UBAP2: variants seen among roughly 807,000 people sequenced by gnomAD.
UBAP2 encodes the protein ubiquitin-associated protein 2.
UBAP2 carries 75 observed loss-of-function variants against 139.6 expected under a neutral mutation model. The observed-to-expected ratio is 0.54, with a 90% CI of 0.45 to 0.65. The LOEUF (loss-of-function observed/expected upper bound fraction) is 0.65. Ranked by LOEUF, UBAP2 falls within the 30% of genes least tolerant of loss-of-function variation. The pLI, the probability that UBAP2 is intolerant of heterozygous loss-of-function variation, is 0.00. For missense variants in UBAP2, 1,368 were observed against 1,369.6 expected, an observed-to-expected ratio of 1.00 and a Z score of 0.02; for synonymous variants, 526 against 526.2, an observed-to-expected ratio of 1.00 and a Z score of 0.01.
chr9:33,989,091 A>G lies in UBAP2; in HGVS notation c.324T>C (p.Asn108=), dbSNP rs1313571019. 1 of 1,613,482 alleles carries G rather than the reference A, an allele frequency of 6.2e-7. No homozygotes were observed. Among genetic ancestry groups the G allele is most frequent in the Admixed American group, 1.7e-5 (1 of 59,904 alleles). ...TGTTTTCTGAATTTTCTTTTGCAAA[A>G]TTCTTTTTCTTACACCCTACAGTCT... ...SWETVGCKKK[N]FAKENSENKE... is the part of the protein sequence containing the mutation. Residue 108 remains asparagine, a synonymous_variant, in exon 5 of 29, where the codon AAT becomes AAC. Coordinates refer to ENST00000379238, the MANE Select transcript of UBAP2 (RefSeq NM_001370062.2).
chr9:34,022,358 G>C (rs1418008325), intron 1 of UBAP2, among the ~76,000 whole-genome samples: 1 of 151,082 alleles, frequency 6.6e-6, no homozygotes, highest in Non-Finnish European at 1.5e-5. Context: ...GTAAGTCCCA[G>C]CTATTCAGGA....
intron 2 of UBAP2, among the ~76,000 whole-genome samples, chr9:34,016,222 G>T (rs1459029197): frequency 8.7e-6 from 1 of 114,716 alleles, no homozygotes; most frequent in African/African-American, 3.0e-5. Context: ...GGAGGAAGAG[G>T]AGGAGGAAGA....
intron 1 of UBAP2, among the ~76,000 whole-genome samples, chr9:34,037,279 C>T (rs1176583430): frequency 1.3e-5 from 2 of 152,110 alleles, no homozygotes; most frequent in Admixed American, 6.5e-5. Context: ...TGAGCCACCG[C>T]GCCCAGCCCA....
intron 2 of UBAP2, among the ~76,000 whole-genome samples, chr9:34,016,235 AAGG>A (rs1449742201): frequency 4.7e-5 from 3 of 64,462 alleles, no homozygotes; most frequent in Non-Finnish European, 8.0e-5. Flanking sequence ...GAGGAAGAGG[AAGG>A]GGAGGAAGAG....
chr9:34,014,981 C>A (rs1824122935), intron 2 of UBAP2, among the ~76,000 whole-genome samples: 1 of 152,168 alleles, frequency 6.6e-6, no homozygotes, highest in African/African-American at 2.4e-5. Flanking sequence ...GAATACTACA[C>A]TAACTTTATA....
intron 1 of UBAP2, among the ~76,000 whole-genome samples, chr9:34,035,427 G>A (rs752624640): frequency 1.6e-4 from 23 of 147,950 alleles, no homozygotes; most frequent in Non-Finnish European, 2.8e-4. Context: ...GCTTGAACCT[G>A]GGAGGTGGAG....
At chr9:34,012,331 GA>G (rs1823823404) in intron 2 of UBAP2, among the ~76,000 whole-genome samples, 1 of 152,140 alleles carries the variant, frequency 6.6e-6, no homozygotes, top group Non-Finnish European at 1.5e-5. Flanking sequence ...AGGAGTTCGA[GA>G]GCAGCCTGGC....
rs111384372 is a variant in UBAP2 at position 34,048,727 on chromosome 9, G to A, written c.-42+98C>T. 922 of 152,482 alleles carry A rather than the reference G, an allele frequency of 6.0e-3. 11 individuals carry two copies. Among genetic ancestry groups the A allele is most frequent in the African/African-American group, 0.021 (873 of 41,568 alleles). The allele number at this position is 152,482 out of a possible 1,614,324, so 9.4% of individuals were successfully genotyped here. A position where few individuals can be genotyped will look rare whatever the true frequency, so the allele number is the denominator to read the frequency against. ...GTGGGCGCCGGGGCAGTCTGCAGGCGGTGGGGTTTCAGACGAGCTGAACCC... is the reference window on the plus strand; with the variant it reads ...GTGGGCGCCGGGGCAGTCTGCAGGCAGTGGGGTTTCAGACGAGCTGAACCC... On this transcript the variant is annotated intron_variant, in intron 1 of 28. Coordinates refer to ENST00000379238, the MANE Select transcript of UBAP2 (RefSeq NM_001370062.2).
At chr9:34,024,180 T>C (rs533277606) in intron 1 of UBAP2, among the ~76,000 whole-genome samples, 3 of 150,432 alleles carry the variant, frequency 2.0e-5, no homozygotes, top group South Asian at 4.2e-4. Context: ...CCATCTCTAC[T>C]AAAAATACAA....
intron 1 of UBAP2, among the ~76,000 whole-genome samples, chr9:34,018,269 C>A (rs1824571340): frequency 6.7e-6 from 1 of 149,576 alleles, no homozygotes. Context: ...CGGGAATTTT[C>A]CGATAAAGAC....
At chr9:33,963,987 C>T (rs200473620) in intron 8 of UBAP2, among the ~76,000 whole-genome samples, 196 bp from the exon 9 acceptor site, 1 of 152,148 alleles carries the variant, frequency 6.6e-6, no homozygotes, top group Non-Finnish European at 1.5e-5. Flanking sequence ...CTCTTGGACA[C>T]TCAAATCACT....
intron 1 of UBAP2, among the ~76,000 whole-genome samples, chr9:34,046,677 G>C (rs1827628657): frequency 1.4e-5 from 2 of 146,270 alleles, no homozygotes; most frequent in Admixed American, 6.8e-5. Context: ...AAAAAAGAAG[G>C]CTTCACTTCA....
At chr9:33,986,252 T>C (rs927072424) in intron 6 of UBAP2, among the ~76,000 whole-genome samples, 2 of 151,698 alleles carry the variant, frequency 1.3e-5, no homozygotes, top group Admixed American at 6.6e-5. Flanking sequence ...CAGGGTTTCC[T>C]TGTGTTAGCC....
intron 1 of UBAP2, among the ~76,000 whole-genome samples, chr9:34,017,754 G>A (rs535334129): frequency 2.6e-5 from 4 of 152,030 alleles, no homozygotes; most frequent in Admixed American, 1.3e-4. Context: ...ATGAAACCCC[G>A]TCTCTACTAA....
chr9:34,039,121 C>CG (rs1564076073), intron 1 of UBAP2, among the ~76,000 whole-genome samples: 2 of 151,640 alleles, frequency 1.3e-5, no homozygotes, highest in Non-Finnish European at 2.9e-5. Flanking sequence ...CGTCTCCGCC[C>CG]GGCAGCCGGC....
At position 33,973,741 on chromosome 9, in the gene UBAP2, C is replaced by G. The variant is rs151291929; in HGVS notation, c.521-504G>C. Among the ~76,000 whole-genome samples, 298 of 152,230 alleles carry G rather than the reference C, an allele frequency of 2.0e-3. 2 individuals are homozygous for G. Among genetic ancestry groups the G allele is most frequent in the African/African-American group, 6.8e-3 (283 of 41,542 alleles). ...CTTTCCACATTCTCTTCATTAAAAT[C>G]CTAAACTGAAGAGCAAAGGCCTAAA... On this transcript the variant is annotated intron_variant, in intron 6 of 28. Transcript: ENST00000379238.
At chr9:33,954,250 ACATTT>A (rs1229823961) in intron 11 of UBAP2, among the ~76,000 whole-genome samples, 1 of 121,596 alleles carries the variant, frequency 8.2e-6, no homozygotes, top group Non-Finnish European at 1.8e-5. Flanking sequence ...ATCCCATAAT[ACATTT>A]AAGTGTGTGT....
Position 34,031,636 on chromosome 9 carries a change from G to A in UBAP2, c.-41-14447C>T, listed in dbSNP as rs1243081697. 3.9e-5 allele frequency among the ~76,000 whole-genome samples: 6 copies of A among 151,972 alleles called. No individual in the cohort carries two copies. The East Asian group carries it at 5.9e-4, about 15-fold the overall frequency. On this transcript the variant is annotated intron_variant, in intron 1 of 28. Transcript: ENST00000379238. ...CTTGCTTTCCTAAGTAAATTCAAGC[G>A]ATTATCCTGCCTGAGCCTCCCAGTA... is the stretch of plus-strand genomic sequence containing the variant.
chr9:34,019,334 C>T (rs553676296), intron 1 of UBAP2, among the ~76,000 whole-genome samples: 57 of 152,040 alleles, frequency 3.7e-4, no homozygotes, highest in African/African-American at 1.2e-3. Context: ...ACCCAAGAGG[C>T]GGAGGTTGCA....
Sources: allele counts gnomAD v4.1 joint callset (sites outside exome capture counted in the v4.1 genomes callset), GRCh38; gene constraint gnomAD v4.1.1; transcripts MANE v1.5; gene names NCBI Gene and HGNC (gene_info 2026-07-23, HGNC 2026-07-21).